The following GPC5 variants were observed in gnomAD, a reference collection of about 807,000 sequenced individuals.
GPC5 encodes the protein glypican 5, also known as glypican-5.
GPC5 carries 47 observed loss-of-function variants against 53.9 expected under a neutral mutation model. The ratio of observed to expected loss-of-function variants is 0.87; its 90% CI spans 0.69 to 1.11. The LOEUF (loss-of-function observed/expected upper bound fraction) is 1.11, where lower values mean the gene tolerates loss of function less well. Ranked by LOEUF, GPC5 falls within the 50% of genes most tolerant of loss-of-function variation. The pLI is 0.00. For synonymous variants in GPC5, 286 were observed against 263.3 expected, an observed-to-expected ratio of 1.09 and a Z score of -0.84; for missense variants, 748 against 713.1, an observed-to-expected ratio of 1.05 and a Z score of -0.56.
intron 4 of GPC5, among the ~76,000 whole-genome samples, chr13:91,731,944 G>T (rs1169235147): frequency 6.6e-6 from 1 of 152,122 alleles, no homozygotes; most frequent in East Asian, 1.9e-4. Flanking sequence ...ATGGACATTT[G>T]TATATTGATT....
chr13:91,508,109 A>T (rs1349930424), intron 2 of GPC5, among the ~76,000 whole-genome samples: 1 of 152,208 alleles, frequency 6.6e-6, no homozygotes, highest in South Asian at 2.1e-4. Flanking sequence ...AAAGATCATT[A>T]TCAGATACCA....
At chr13:92,571,573 T>G (rs1214497665) in intron 7 of GPC5, among the ~76,000 whole-genome samples, 1 of 152,168 alleles carries the variant, frequency 6.6e-6, no homozygotes, top group Non-Finnish European at 1.5e-5. Flanking sequence ...GAATATCCAT[T>G]ATTTCAAGGA....
chr13:92,268,774 T>G (rs892956004), intron 7 of GPC5, among the ~76,000 whole-genome samples: 1 of 152,128 alleles, frequency 6.6e-6, no homozygotes, highest in Non-Finnish European at 1.5e-5. Flanking sequence ...CAGTATCAGG[T>G]TAAATTTTGG....
intron 6 of GPC5, among the ~76,000 whole-genome samples, chr13:91,971,145 C>T (rs1343582776): frequency 6.6e-6 from 1 of 152,070 alleles, no homozygotes; most frequent in Non-Finnish European, 1.5e-5. Context: ...AATTTCAGAG[C>T]CTGTTATTGG....
At chr13:92,137,686 T>A (rs7319367) in intron 6 of GPC5, among the ~76,000 whole-genome samples, 1 of 151,932 alleles carries the variant, frequency 6.6e-6, no homozygotes. Context: ...AGTGCAGTGA[T>A]GCAATCATGG....
At chr13:91,614,760 G>A (rs536723703) in intron 2 of GPC5, among the ~76,000 whole-genome samples, 5 of 152,274 alleles carry the variant, frequency 3.3e-5, no homozygotes, top group East Asian at 1.9e-4. Context: ...AGAAGAGGGC[G>A]ATCATGAAGC....
chr13:92,386,841 C>A (rs1874751095), intron 7 of GPC5, among the ~76,000 whole-genome samples: 1 of 152,184 alleles, frequency 6.6e-6, no homozygotes, highest in South Asian at 2.1e-4. Context: ...TAAAAATACT[C>A]TCTGCTATAG....
chr13:92,004,085 A>G (rs981494275), intron 6 of GPC5, among the ~76,000 whole-genome samples: 3 of 152,106 alleles, frequency 2.0e-5, no homozygotes, highest in Non-Finnish European at 4.4e-5. Context: ...ATTTCTCAAG[A>G]TTTTGTTACT....
At chr13:92,526,134 A>C (rs967243190) in intron 7 of GPC5, among the ~76,000 whole-genome samples, 1 of 152,134 alleles carries the variant, frequency 6.6e-6, no homozygotes, top group African/African-American at 2.4e-5. Context: ...TATTCAACAA[A>C]CTTTGTTTTG....
At chr13:91,743,733 A>T (rs1175608366) in intron 4 of GPC5, among the ~76,000 whole-genome samples, 1 of 152,148 alleles carries the variant, frequency 6.6e-6, no homozygotes, top group Non-Finnish European at 1.5e-5. Flanking sequence ...TCCCTTTTTC[A>T]TCTTCAGTCC....
intron 7 of GPC5, among the ~76,000 whole-genome samples, chr13:92,609,214 C>G (rs982174975): frequency 2.0e-5 from 3 of 151,422 alleles, no homozygotes; most frequent in Admixed American, 6.6e-5. Flanking sequence ...ACCCTAGGAA[C>G]AATAAAAATG....
intron 7 of GPC5, chr13:92,446,736 A>G (rs1038037414): frequency 6.6e-6 from 1 of 152,166 alleles, no homozygotes; most frequent in African/African-American, 2.4e-5. Context: ...GTACTAATAT[A>G]CATTCCCACC....
chr13:92,715,537 T>C (rs775152179), intron 7 of GPC5, among the ~76,000 whole-genome samples: 1 of 152,194 alleles, frequency 6.6e-6, no homozygotes, highest in Non-Finnish European at 1.5e-5. Context: ...AATTAACAAT[T>C]AACAGGAACA....
Position 92,215,317 on chromosome 13 carries a change from G to A in GPC5, c.1561+70328G>A, listed in dbSNP as rs75046956. 3.2e-3 allele frequency among the ~76,000 whole-genome samples: 484 copies of A among 152,090 alleles called. 1 individual carries two copies. Among genetic ancestry groups the A allele is most frequent in the African/African-American group, 0.01 (418 of 41,490 alleles). On this transcript the variant is annotated intron_variant, in intron 7 of 7. Coordinates refer to ENST00000377067, the MANE Select transcript of GPC5 (RefSeq NM_004466.6). ...TTTTTTCCATCTTTTTATACAGCTC[G>A]AACAAGTTTATTTCCATTTAAAAAT...
intron 6 of GPC5, among the ~76,000 whole-genome samples, chr13:91,954,212 G>A (rs1408509986): frequency 2.0e-5 from 3 of 152,152 alleles, no homozygotes; most frequent in South Asian, 2.1e-4. Flanking sequence ...TAAGAAAAAG[G>A]GATGGCTAGT....
At chr13:91,959,963 C>G (rs9583972) in intron 6 of GPC5, among the ~76,000 whole-genome samples, 7,140 of 151,916 alleles carry the variant, frequency 0.047, 204 homozygotes, top group Middle Eastern at 0.066. Flanking sequence ...ATTATAAAGG[C>G]AAACCCAAAA....
At chr13:91,728,388 A>G (rs1363265933) in intron 3 of GPC5, 144 bp from the exon 4 acceptor site, 3 of 562,094 alleles carry the variant, frequency 5.3e-6, no homozygotes, top group Non-Finnish European at 5.7e-6. Context: ...AAAATTGACA[A>G]ACATTATATA....
chr13:92,414,011 T>C (rs1566580004), intron 7 of GPC5, among the ~76,000 whole-genome samples: 4 of 152,224 alleles, frequency 2.6e-5, no homozygotes, highest in Admixed American at 1.3e-4. Flanking sequence ...GAGTTATAAG[T>C]TAAATCAAAT....
intron 6 of GPC5, among the ~76,000 whole-genome samples, chr13:92,040,136 C>A (rs1376391774): frequency 6.6e-6 from 1 of 152,140 alleles, no homozygotes. Flanking sequence ...CAAATAACAT[C>A]ATTTTGTTCA....
Sources: gnomAD v4.1 joint callset for allele counts (sites outside exome capture counted in the v4.1 genomes callset) on GRCh38, gnomAD v4.1.1 for gene constraint, MANE v1.5 for transcripts, NCBI Gene and HGNC (gene_info 2026-07-23, HGNC 2026-07-21) for gene names.